The following MAPK10 variants were observed in gnomAD, a reference collection of about 807,000 sequenced individuals.
MAPK10 encodes the protein mitogen-activated protein kinase 10.
In MAPK10, 25 loss-of-function variants were observed where a neutral mutation model predicts 59.3. The observed-to-expected ratio is 0.42, with a 90% confidence interval of 0.31 to 0.59. The LOEUF (loss-of-function observed/expected upper bound fraction) is 0.59, where lower values mean the gene tolerates loss of function less well. Ranked by LOEUF, MAPK10 falls within the 20% of genes least tolerant of loss-of-function variation. MAPK10 has a pLI of 0.15. For synonymous variants in MAPK10, 190 were observed against 200.5 expected, an observed-to-expected ratio of 0.95 and a Z score of 0.44; for missense variants, 351 against 568.9, an observed-to-expected ratio of 0.62 and a Z score of 3.90.
intron 2 of MAPK10, among the ~76,000 whole-genome samples, chr4:86,218,568 C>CAAAAAAAA (rs11330422): frequency 6.3e-5 from 6 of 95,440 alleles, no homozygotes; most frequent in Non-Finnish European, 1.1e-4. Flanking sequence ...AAGACTTAAG[C>CAAAAAAAA]AAAAAAAAAA....
In MAPK10 at chr4:86,564,924, C is replaced by T. The variant is rs577567534; in HGVS notation, c.-263+28986G>A. The stretch of plus-strand genomic sequence containing the variant: ...GATGGCGGGGGAAGTTCAAGGGCCT[C>T]CCACACTGGAAACTGTGCTTAATGA... On this transcript the variant is annotated intron_variant, in intron 1 of 4. Transcript: ENST00000502302. Among the ~76,000 whole-genome samples, 101 of 152,252 alleles carry T rather than the reference C, an allele frequency of 6.6e-4. 1 individual carries two copies. In the South Asian group the frequency reaches 0.021, roughly 32 times the overall value.
chr4:86,327,488 C>A (rs2096054315), intron 2 of MAPK10: 1 of 151,802 alleles, frequency 6.6e-6, no homozygotes, highest in Admixed American at 6.6e-5. Flanking sequence ...CTTGTACTAG[C>A]CAACACTTCC....
chr4:86,155,358 T>A (rs1447999179), intron 4 of MAPK10, among the ~76,000 whole-genome samples: 1 of 151,802 alleles, frequency 6.6e-6, no homozygotes, highest in East Asian at 1.9e-4. Context: ...AAGATATATA[T>A]CCTATCATAT....
intron 1 of MAPK10, among the ~76,000 whole-genome samples, chr4:86,396,279 G>A (rs375535085): frequency 2.0e-5 from 3 of 152,096 alleles, no homozygotes; most frequent in East Asian, 1.9e-4. Context: ...CCCAGGAGGC[G>A]GAGCTTGCAG....
chr4:86,115,379 C>G (rs532084123), intron 4 of MAPK10, among the ~76,000 whole-genome samples: 2 of 152,212 alleles, frequency 1.3e-5, no homozygotes, highest in East Asian at 3.9e-4. Context: ...CCTATTCAGT[C>G]CCAGTGAGAG....
intron 1 of MAPK10, among the ~76,000 whole-genome samples, chr4:86,552,411 AC>A (rs2149100486): frequency 6.9e-6 from 1 of 144,630 alleles, no homozygotes; most frequent in East Asian, 2.2e-4. Context: ...ACAGAGTGAG[AC>A]CCTGTCTCAA....
chr4:86,326,228 C>T (rs2096019433), intron 2 of MAPK10: 1 of 152,164 alleles, frequency 6.6e-6, no homozygotes, highest in African/African-American at 2.4e-5. Flanking sequence ...CAAGCAGGGT[C>T]TCGGGTTCAC....
intron 2 of MAPK10, among the ~76,000 whole-genome samples, chr4:86,205,188 T>C (rs978931890): frequency 1.1e-4 from 16 of 152,014 alleles, no homozygotes; most frequent in Non-Finnish European, 2.4e-4. Flanking sequence ...CAAAGAGAGC[T>C]AGTATCTTAT....
intron 1 of MAPK10, among the ~76,000 whole-genome samples, chr4:86,533,998 A>C (rs1285734133): frequency 2.6e-5 from 4 of 152,178 alleles, no homozygotes; most frequent in Admixed American, 6.5e-5. Context: ...CTCTAAAGAC[A>C]CAGCCCTCTT....
chr4:86,143,406 G>A (rs955793962), intron 4 of MAPK10, among the ~76,000 whole-genome samples: 1 of 152,122 alleles, frequency 6.6e-6, no homozygotes, highest in Admixed American at 6.5e-5. Flanking sequence ...TGTGACCCTA[G>A]TGGCTTTGGT....
At chr4:86,209,224 C>A (rs2085091426) in intron 2 of MAPK10, among the ~76,000 whole-genome samples, 3 of 152,014 alleles carry the variant, frequency 2.0e-5, no homozygotes, top group Admixed American at 2.0e-4. Context: ...AGTGAATAAA[C>A]TGAATCTAAA....
At chr4:86,362,279 T>C (rs1378010220), upstream of MAPK10, among the ~76,000 whole-genome samples, 1 of 152,068 alleles carries the variant, frequency 6.6e-6, no homozygotes, top group East Asian at 1.9e-4. Context: ...CAAATATTTA[T>C]TCAAGATGAA....
At chr4:86,586,628 T>C (rs1762669851) in intron 1 of MAPK10, among the ~76,000 whole-genome samples, 1 of 152,214 alleles carries the variant, frequency 6.6e-6, no homozygotes, top group African/African-American at 2.4e-5. Context: ...AACTCATTAA[T>C]AACTAAAAGT....
intron 4 of MAPK10, among the ~76,000 whole-genome samples, chr4:86,147,071 TTTCTTTTTTTC>T (rs1334315615): frequency 6.6e-6 from 1 of 152,050 alleles, no homozygotes; most frequent in African/African-American, 2.4e-5. Flanking sequence ...TTAATATATT[TTTCTTTTTTTC>T]TTCTTCTTCT....
chr4:86,593,931 A>T (rs759773824), exon 1 of MAPK10: 6 of 151,802 alleles, frequency 4.0e-5, no homozygotes, highest in Non-Finnish European at 8.8e-5. Flanking sequence ...TCTCCTCCTC[A>T]CTCCCTAGGG....
chr4:86,492,526 G>A (rs1400649238), intron 1 of MAPK10, among the ~76,000 whole-genome samples: 1 of 152,194 alleles, frequency 6.6e-6, no homozygotes, highest in Non-Finnish European at 1.5e-5. Flanking sequence ...CATCATACAT[G>A]TGAGCTCTAT....
chr4:86,246,530 T>A lies in MAPK10; in HGVS notation c.-6-52123A>T, dbSNP rs544069597. The stretch of plus-strand genomic sequence containing the variant: ...TGCTTAAATTGAATGTATTCCCTGC[T>A]GTTGCCCTTTTAACACAACGCCAAT... On this transcript the variant is annotated intron_variant, in intron 2 of 13. Transcript: ENST00000641462. 2.0e-5 allele frequency among the ~76,000 whole-genome samples: 3 copies of A among 152,356 alleles called. No individual in the cohort carries two copies. The South Asian group carries it at 6.2e-4, about 32-fold the overall frequency.
At chr4:86,475,653 G>C (rs984934073) in intron 1 of MAPK10, among the ~76,000 whole-genome samples, 1 of 152,106 alleles carries the variant, frequency 6.6e-6, no homozygotes, top group African/African-American at 2.4e-5. Context: ...ACATGGGGAC[G>C]CCTGCCTTGG....
intron 1 of MAPK10, among the ~76,000 whole-genome samples, chr4:86,427,029 G>A (rs564719092): frequency 8.6e-5 from 13 of 151,930 alleles, no homozygotes; most frequent in East Asian, 5.8e-4. Flanking sequence ...AGGCTGAGGC[G>A]GGCAGATCAC....
Sources: gnomAD v4.1 joint callset for allele counts (sites outside exome capture counted in the v4.1 genomes callset) on GRCh38, gnomAD v4.1.1 for gene constraint, MANE v1.5 for transcripts, NCBI Gene and HGNC (gene_info 2026-07-23, HGNC 2026-07-21) for gene names.